The following RORA variants were observed in gnomAD, a reference collection of about 807,000 sequenced individuals.
RORA encodes nuclear receptor ROR-alpha.
RORA carries 7 observed loss-of-function variants against 69.5 expected under a neutral mutation model. The observed-to-expected ratio is 0.10, with a 90% CI of 0.06 to 0.19. The LOEUF is 0.19. RORA is among the 10% of genes least tolerant of loss of function. RORA has a pLI of 1.00. For missense variants in RORA, 457 were observed against 663.0 expected, an observed-to-expected ratio of 0.69 and a Z score of 3.41; for synonymous variants, 261 against 240.8, an observed-to-expected ratio of 1.08 and a Z score of -0.78.
chr15:61,171,353 C>T (rs954952244), intron 1 of RORA, among the ~76,000 whole-genome samples: 1 of 152,152 alleles, frequency 6.6e-6, no homozygotes, highest in African/African-American at 2.4e-5. Context: ...TCAGCCCTGG[C>T]ATGTGTCACA....
At chr15:61,125,404 G>C (rs2079134895) in intron 1 of RORA, among the ~76,000 whole-genome samples, 1 of 152,148 alleles carries the variant, frequency 6.6e-6, no homozygotes, top group Non-Finnish European at 1.5e-5. Flanking sequence ...GATACTATTA[G>C]ATTACAAAAT....
At chr15:60,660,753 GA>G (rs56353538) in intron 2 of RORA, among the ~76,000 whole-genome samples, 88,198 of 150,742 alleles carry the variant, frequency 0.59, 26,922 homozygotes, top group South Asian at 0.79. Flanking sequence ...CACACTGAAA[GA>G]AAAAAAAAAC....
rs1896400635 is a variant in RORA, at chr15:61,035,338, A to G, written c.166+193715T>C. Among the ~76,000 whole-genome samples the G allele has an allele frequency of 3.3e-5, 5 of 152,318 alleles. No individual in the cohort carries two copies. The South Asian group carries it at 1.0e-3, about 32-fold the overall frequency. On this transcript the variant is annotated intron_variant, in intron 1 of 10. Coordinates refer to ENST00000335670, the MANE Select transcript of RORA (RefSeq NM_134261.3). ...TTTCTTTTTTCCTTTTTTTCAAAAC[A>G]TACCAGATAAAAATAAAAAGATTTT...
rs139558942 is a variant in RORA, at chr15:61,079,695, A to G, written c.166+149358T>C. ...GTTAGCAAATATTTACTGAGAAGGT[A>G]TAATGTGCTCTGCTCTGAGGCACTG... On this transcript the variant is annotated intron_variant, in intron 1 of 10. Transcript: ENST00000335670. 6.6e-5 allele frequency among the ~76,000 whole-genome samples: 10 copies of G among 152,354 alleles called. No individual in the cohort carries two copies. The East Asian group carries it at 1.9e-3, about 29-fold the overall frequency.
chr15:61,032,371 A>C (rs1896218997), intron 1 of RORA, among the ~76,000 whole-genome samples: 1 of 152,254 alleles, frequency 6.6e-6, no homozygotes, highest in African/African-American at 2.4e-5. Flanking sequence ...CCTTCTGGGC[A>C]TGAGACTGAG....
At chr15:60,521,759 T>C (rs981437416) in intron 3 of RORA, among the ~76,000 whole-genome samples, 1 of 152,230 alleles carries the variant, frequency 6.6e-6, no homozygotes, top group African/African-American at 2.4e-5. Context: ...ATCTTCTTCA[T>C]TGTGGGACAA....
intron 3 of RORA, among the ~76,000 whole-genome samples, chr15:60,523,217 A>G (rs909760044): frequency 1.3e-5 from 2 of 152,212 alleles, no homozygotes; most frequent in Non-Finnish European, 2.9e-5. Flanking sequence ...TTGTTGGCGA[A>G]TGAATGAAGT....
intron 1 of RORA, among the ~76,000 whole-genome samples, chr15:61,029,070 G>A (rs1278082088): frequency 6.6e-6 from 1 of 151,840 alleles, no homozygotes; most frequent in Non-Finnish European, 1.5e-5. Flanking sequence ...TAGTGGTGAT[G>A]GTTGCACACC....
chr15:61,209,603 T>G (rs1416024847), intron 1 of RORA, among the ~76,000 whole-genome samples: 1 of 152,236 alleles, frequency 6.6e-6, no homozygotes, highest in Non-Finnish European at 1.5e-5. Flanking sequence ...AGGTGGGGCC[T>G]CTAGAAATGT....
chr15:60,607,775 G>C (rs1350850010), intron 2 of RORA, among the ~76,000 whole-genome samples: 1 of 152,062 alleles, frequency 6.6e-6, no homozygotes, highest in Non-Finnish European at 1.5e-5. Flanking sequence ...TGTTGCAATT[G>C]CTATTTATAT....
At chr15:61,154,768 T>C (rs1375359859) in intron 1 of RORA, among the ~76,000 whole-genome samples, 1 of 152,104 alleles carries the variant, frequency 6.6e-6, no homozygotes, top group African/African-American at 2.4e-5. Flanking sequence ...TGCCTCAGTG[T>C]GAGTGTGTGT....
intron 1 of RORA, among the ~76,000 whole-genome samples, chr15:60,896,819 T>C (rs572265257): frequency 5.3e-5 from 8 of 151,492 alleles, no homozygotes; most frequent in African/African-American, 1.9e-4. Context: ...AGAGCTGTCA[T>C]TTCCTAGCAC....
At chr15:60,957,859 C>T (rs929939768) in intron 1 of RORA, among the ~76,000 whole-genome samples, 6 of 152,162 alleles carry the variant, frequency 3.9e-5, no homozygotes, top group African/African-American at 1.4e-4. Flanking sequence ...CAAATATAAT[C>T]ATATTATGTC....
chr15:60,704,020 C>T lies in RORA; in HGVS notation c.167-25334G>A, dbSNP rs111635819. Among the ~76,000 whole-genome samples, 22 of 152,106 alleles carry T rather than the reference C, an allele frequency of 1.4e-4. No individual in the cohort carries two copies. The South Asian group carries it at 3.3e-3, about 23-fold the overall frequency. Reference sequence around the variant, plus strand: ...AGTGAGTATTGTTTTACTTTTATGACGGGTACAATAAAATGAACTTGATTT... The same window carrying T: ...AGTGAGTATTGTTTTACTTTTATGATGGGTACAATAAAATGAACTTGATTT... On this transcript the variant is annotated intron_variant, in intron 1 of 10. Transcript: ENST00000335670.
chr15:60,934,926 A>G (rs915880285), intron 1 of RORA, among the ~76,000 whole-genome samples: 2 of 152,214 alleles, frequency 1.3e-5, no homozygotes, highest in African/African-American at 4.8e-5. Flanking sequence ...TACAAACTCC[A>G]CAGCCAAGCT....
intron 1 of RORA, among the ~76,000 whole-genome samples, chr15:60,784,214 T>C (rs2072304212): frequency 6.6e-6 from 1 of 152,194 alleles, no homozygotes; most frequent in Non-Finnish European, 1.5e-5. Context: ...AGGGGAAAGA[T>C]GACAAAAAAT....
chr15:60,763,065 AT>A (rs374433414), intron 1 of RORA, among the ~76,000 whole-genome samples: 7,250 of 47,758 alleles, frequency 0.15, 476 homozygotes, highest in Middle Eastern at 0.22. Flanking sequence ...ATATGCACAG[AT>A]TTTTTTTTTT....
intron 6 of RORA, 133 bp from the exon 7 acceptor site, chr15:60,503,800 AT>A (rs2065406575): frequency 2.1e-6 from 2 of 946,490 alleles, no homozygotes; most frequent in Non-Finnish European, 3.0e-6. Context: ...GTGGGATCTT[AT>A]TTTATTTTAT....
At chr15:61,215,085 G>A (rs532148739) in intron 1 of RORA, among the ~76,000 whole-genome samples, 78 of 134,636 alleles carry the variant, frequency 5.8e-4, no homozygotes, top group Middle Eastern at 8.4e-3. Flanking sequence ...GGGTTTCACC[G>A]TGTTAGCCAG....
Sources: allele counts gnomAD v4.1 joint callset (sites outside exome capture counted in the v4.1 genomes callset), GRCh38; gene constraint gnomAD v4.1.1; transcripts MANE v1.5; gene names NCBI Gene and HGNC (gene_info 2026-07-23, HGNC 2026-07-21).